The following GRIP1 variants were observed in gnomAD, a reference collection of about 807,000 sequenced individuals.
GRIP1 encodes the protein glutamate receptor-interacting protein 1.
In GRIP1, 45 loss-of-function variants were observed where a neutral mutation model predicts 129.9. That is an observed-to-expected ratio of 0.35 (90% CI 0.27 to 0.44). The LOEUF (loss-of-function observed/expected upper bound fraction) is 0.44. GRIP1 is among the 20% of genes least tolerant of loss of function. The probability of loss-of-function intolerance (pLI) is 1.00; values close to 1 mark genes in which losing one functional copy is unlikely to be tolerated. For missense variants in GRIP1, 1,196 were observed against 1,396.8 expected (o/e 0.86, Z 2.29); for synonymous variants, 530 against 520.8 (o/e 1.02, Z -0.24).
chr12:66,791,024 C>T (rs1056522251), intron 1 of GRIP1, among the ~76,000 whole-genome samples: 4 of 152,120 alleles, frequency 2.6e-5, no homozygotes, highest in Admixed American at 6.6e-5. Context: ...GGAAGCTCAA[C>T]GAAGTTAAGA....
chr12:66,956,288 T>C (rs11832239), intron 1 of GRIP1, among the ~76,000 whole-genome samples: 3,303 of 152,248 alleles, frequency 0.022, 124 homozygotes, highest in African/African-American at 0.075. Flanking sequence ...TGGAGGTCCC[T>C]CGATTGGGGT....
At chr12:66,984,338 G>A (rs549501688) in intron 1 of GRIP1, among the ~76,000 whole-genome samples, 2 of 152,282 alleles carry the variant, frequency 1.3e-5, no homozygotes, top group South Asian at 4.1e-4. Flanking sequence ...TGTACAGCCT[G>A]TCCAATTTAT....
At chr12:66,620,186 A>C (rs1201530165) in intron 1 of GRIP1, among the ~76,000 whole-genome samples, 1 of 152,204 alleles carries the variant, frequency 6.6e-6, no homozygotes, top group African/African-American at 2.4e-5. Context: ...GAATATGAAT[A>C]TGTGCAAGTA....
At chr12:66,530,184 G>A (rs2139101981) in intron 4 of GRIP1, among the ~76,000 whole-genome samples, 1 of 152,278 alleles carries the variant, frequency 6.6e-6, no homozygotes, top group East Asian at 1.9e-4. Context: ...TTCTAGATAA[G>A]AGGGGGATAT....
intron 1 of GRIP1, among the ~76,000 whole-genome samples, chr12:67,014,980 A>C (rs967543078): frequency 6.6e-6 from 1 of 152,204 alleles, no homozygotes; most frequent in Non-Finnish European, 1.5e-5. Context: ...AGTGTAAAAT[A>C]AGTGAAGAAA....
intron 1 of GRIP1, among the ~76,000 whole-genome samples, chr12:66,832,421 A>G (rs998714719): frequency 6.6e-6 from 1 of 152,182 alleles, no homozygotes; most frequent in African/African-American, 2.4e-5. Flanking sequence ...TTCAGCTGAC[A>G]TTCATCCTTC....
intron 2 of GRIP1, among the ~76,000 whole-genome samples, chr12:66,559,514 T>A (rs750919100): frequency 6.6e-6 from 1 of 152,092 alleles, no homozygotes; most frequent in Non-Finnish European, 1.5e-5. Flanking sequence ...AAAAAATCAG[T>A]GGCATATCTA....
rs553930256 is a variant in GRIP1, at chr12:66,584,417, T to C, written c.136+12430A>G. ...AAACTTAAAGTATAATAAAAAAAAA[T>C]ACAAAATTAGCCAGGCGTGGTGGCA... On this transcript the variant is annotated intron_variant, in intron 2 of 24. Coordinates refer to ENST00000359742, the MANE Select transcript of GRIP1 (RefSeq NM_001366722.1). Among the ~76,000 whole-genome samples, 16 of 151,214 alleles carry C rather than the reference T, an allele frequency of 1.1e-4. No individual in the cohort carries two copies. In the East Asian group the frequency reaches 2.7e-3, roughly 26 times the overall value.
chr12:67,057,117 G>A (rs1029696543), intron 1 of GRIP1, among the ~76,000 whole-genome samples: 1 of 151,990 alleles, frequency 6.6e-6, no homozygotes, highest in East Asian at 1.9e-4. Context: ...TGCCTGGCCG[G>A]ACTGAATGTT....
At chr12:66,454,868 A>C (rs1233530547) in intron 11 of GRIP1, among the ~76,000 whole-genome samples, 1 of 152,192 alleles carries the variant, frequency 6.6e-6, no homozygotes, top group Non-Finnish European at 1.5e-5. Flanking sequence ...AGTCTTGGGG[A>C]ATGAGATATA....
At chr12:66,855,941 G>T (rs2039994714) in intron 1 of GRIP1, among the ~76,000 whole-genome samples, 1 of 151,026 alleles carries the variant, frequency 6.6e-6, no homozygotes, top group Admixed American at 6.6e-5. Flanking sequence ...CAAAAGACCT[G>T]TTTAACCTTA....
At chr12:66,601,902 GAT>G (rs2064293703) in intron 1 of GRIP1, among the ~76,000 whole-genome samples, 1 of 152,116 alleles carries the variant, frequency 6.6e-6, no homozygotes, top group African/African-American at 2.4e-5. Context: ...ATACACAAAA[GAT>G]AATGACACCT....
At chr12:66,878,180 G>C (rs1184733690) in intron 1 of GRIP1, among the ~76,000 whole-genome samples, 1 of 151,964 alleles carries the variant, frequency 6.6e-6, no homozygotes, top group Non-Finnish European at 1.5e-5. Flanking sequence ...GCTATGGAGT[G>C]GGATGGAAGT....
chr12:66,578,539 G>A (rs1041678964), intron 2 of GRIP1, among the ~76,000 whole-genome samples: 1 of 152,124 alleles, frequency 6.6e-6, no homozygotes, highest in Non-Finnish European at 1.5e-5. Context: ...CTGGAAAATC[G>A]GGTCACTCCC....
intron 23 of GRIP1, 57 bp downstream of exon 23, chr12:66,371,637 G>T: frequency 9.3e-7 from 1 of 1,078,338 alleles, no homozygotes; most frequent in Non-Finnish European, 1.4e-6. Context: ...CGGCGTACAT[G>T]CTATGCAGAA....
chr12:66,444,762 T>C (rs2058573965), intron 12 of GRIP1, 33 bp from the exon 13 acceptor site: 6 of 1,611,054 alleles, frequency 3.7e-6, no homozygotes, highest in Non-Finnish European at 5.1e-6. Context: ...AGGTTGTAGA[T>C]GGAGTAAATA....
chr12:66,882,191 A>C (rs1311885820), intron 1 of GRIP1, among the ~76,000 whole-genome samples: 1 of 135,252 alleles, frequency 7.4e-6, no homozygotes, highest in African/African-American at 2.7e-5. Flanking sequence ...GCCCCATGTA[A>C]ACACATAGTG....
Position 66,827,415 on chromosome 12 carries a change from A to AGAGAGAGC in GRIP1, c.59-230489_59-230488insGCTCTCTC, listed in dbSNP as rs1375461122. ...GAGAGAGAGAGAGAGAGAGAGAGAGAGCGCACAAGACAGCGAGAGCAAGAG... is the reference window on the plus strand; with the variant it reads ...GAGAGAGAGAGAGAGAGAGAGAGAGAGAGAGAGCGCGCACAAGACAGCGAGAGCAAGAG... On this transcript the variant is annotated intron_variant, in intron 1 of 1. Coordinates refer to the GRIP1 transcript ENST00000643019. Among the ~76,000 whole-genome samples, 19 of 150,384 alleles carry AGAGAGAGC rather than the reference A, an allele frequency of 1.3e-4. No individual in the cohort carries two copies. The East Asian group carries it at 2.3e-3, about 19-fold the overall frequency.
At chr12:66,725,279 G>A (rs1028660046) in intron 1 of GRIP1, among the ~76,000 whole-genome samples, 3 of 151,858 alleles carry the variant, frequency 2.0e-5, no homozygotes, top group African/African-American at 7.3e-5. Context: ...CTCCAGTCTG[G>A]GCAACAGAGT....
Sources: gnomAD v4.1 joint callset for allele counts (sites outside exome capture counted in the v4.1 genomes callset) on GRCh38, gnomAD v4.1.1 for gene constraint, MANE v1.5 for transcripts, NCBI Gene and HGNC (gene_info 2026-07-23, HGNC 2026-07-21) for gene names.